Variants in AGPAT4 observed in about 807,000 individuals in gnomAD.
AGPAT4 encodes 1-acyl-sn-glycerol-3-phosphate acyltransferase delta.
A neutral mutation model predicts 48.0 loss-of-function variants in AGPAT4; 15 were observed. The observed-to-expected ratio is 0.31, with a 90% confidence interval of 0.21 to 0.48. AGPAT4 has a LOEUF of 0.48. Ranked by LOEUF, AGPAT4 falls within the 20% of genes least tolerant of loss-of-function variation. The pLI is 0.99. For missense variants in AGPAT4, 314 were observed against 482.5 expected, an observed-to-expected ratio of 0.65 and a Z score of 3.27; for synonymous variants, 178 against 198.7, an observed-to-expected ratio of 0.90 and a Z score of 0.88.
At position 161,177,024 on chromosome 6, in the gene AGPAT4, T is replaced by C. The variant is rs904898699; in HGVS notation, c.179-10607A>G. Among the ~76,000 whole-genome samples the C allele has an allele frequency of 1.3e-5, 2 of 152,262 alleles. No homozygotes were observed. The highest frequency in any genetic ancestry group is 4.8e-5 in the African/African-American group (2 of 41,472). ...GCCGAGAGATCTGCTGTTAGTCTGA[T>C]GGGCTTCCTTTTGTGGGTAAATTGA... On this transcript the variant is annotated intron_variant, in intron 2 of 8. Coordinates refer to ENST00000320285, the MANE Select transcript of AGPAT4 (RefSeq NM_020133.3). The surrounding 1 kb of genome is among the most constrained non-coding windows in gnomAD (Gnocchi z 5.0).
At position 161,227,329 on chromosome 6, in the gene AGPAT4, A is replaced by G. The variant is rs78772838; in HGVS notation, c.178+4707T>C. Among the ~76,000 whole-genome samples the G allele has an allele frequency of 3.1e-3, 469 of 152,350 alleles. 4 individuals carry two copies. Among genetic ancestry groups the G allele is most frequent in the African/African-American group, 0.011 (451 of 41,576 alleles). On this transcript the variant is annotated intron_variant, in intron 2 of 8. Transcript: ENST00000320285. Reference sequence around the variant, plus strand: ...CACCTTGGTCAATAAGCACATGAACAGATTCAAAATTGAGGCACCCTTACC... The same window carrying G: ...CACCTTGGTCAATAAGCACATGAACGGATTCAAAATTGAGGCACCCTTACC...
chr6:161,164,824 C>T lies in AGPAT4; in HGVS notation c.348+1424G>A, dbSNP rs145810193. On this transcript the variant is annotated intron_variant, in intron 3 of 8. Coordinates refer to ENST00000320285, the MANE Select transcript of AGPAT4 (RefSeq NM_020133.3). This position sits in a 1 kb window ranked among gnomAD's most constrained non-coding sequence, Gnocchi z 7.4. The stretch of plus-strand genomic sequence containing the variant: ...CTCTACCTCAGAGACTCCTGGTCCA[C>T]GAATTATGAATGTTTGCACATTCTA... 3.6e-3 allele frequency among the ~76,000 whole-genome samples: 546 copies of T among 152,192 alleles called. 6 individuals carry two copies. The highest frequency in any genetic ancestry group is 0.012 in the African/African-American group (508 of 41,524).
At chr6:161,153,664 G>A (rs1046360721) in intron 4 of AGPAT4, among the ~76,000 whole-genome samples, 165 bp from the exon 5 acceptor site, 4 of 150,240 alleles carry the variant, frequency 2.7e-5, no homozygotes, top group Admixed American at 6.6e-5. Context: ...CAGCCCTGGG[G>A]TCACATACAG....
At chr6:161,191,345 G>A (rs1024105316) in intron 2 of AGPAT4, among the ~76,000 whole-genome samples, 2 of 152,192 alleles carry the variant, frequency 1.3e-5, no homozygotes, top group Non-Finnish European at 2.9e-5. Context: ...AAGAAGTATG[G>A]AAGAGTTAAA....
chr6:161,190,491 T>C (rs745824329), intron 2 of AGPAT4, among the ~76,000 whole-genome samples: 2 of 151,850 alleles, frequency 1.3e-5, no homozygotes, highest in Admixed American at 6.6e-5. Context: ...TACTATTTTA[T>C]AGTTCTGATT....
In AGPAT4 at chr6:161,140,499, T is replaced by C. The variant is rs777399443; in HGVS notation, c.844-879A>G. 4.6e-5 allele frequency among the ~76,000 whole-genome samples: 7 copies of C among 152,198 alleles called. No individual in the cohort carries two copies. Among genetic ancestry groups the C allele is most frequent in the Non-Finnish European group, 1.0e-4 (7 of 68,030 alleles). On this transcript the variant is annotated intron_variant, in intron 7 of 8. Transcript: ENST00000320285. The surrounding 1 kb of genome is among the most constrained non-coding windows in gnomAD (Gnocchi z 6.5). Reference sequence around the variant, plus strand: ...CAGGGGACTCACGGCCCCACATAAATGCACTGCGAAAGAACGCGGTGGCTC... The same window carrying C: ...CAGGGGACTCACGGCCCCACATAAACGCACTGCGAAAGAACGCGGTGGCTC...
rs756465005 is a variant in AGPAT4 at position 161,215,217 on chromosome 6, C to A, written c.178+16819G>T. 6.6e-6 allele frequency among the ~76,000 whole-genome samples: 1 copy of A among 152,220 alleles called. No individual in the cohort carries two copies. Among genetic ancestry groups the A allele is most frequent in the African/African-American group, 2.4e-5 (1 of 41,468 alleles). ...ACCCTATTTAACTTATGATCCTACT[C>A]TTCCATAACTCATACACTGCATGTG... On this transcript the variant is annotated intron_variant, in intron 2 of 8. Coordinates refer to ENST00000320285, the MANE Select transcript of AGPAT4 (RefSeq NM_020133.3). This position sits in a 1 kb window ranked among gnomAD's most constrained non-coding sequence, Gnocchi z 4.5.
intron 2 of AGPAT4, among the ~76,000 whole-genome samples, chr6:161,185,740 C>G (rs1359576903): frequency 1.3e-5 from 2 of 152,128 alleles, no homozygotes; most frequent in Non-Finnish European, 2.9e-5. Context: ...AGGCATCACC[C>G]GAAACCTCTC....
intron 3 of AGPAT4, among the ~76,000 whole-genome samples, chr6:161,157,438 G>A (rs980108731): frequency 4.6e-5 from 7 of 152,172 alleles, no homozygotes; most frequent in African/African-American, 1.7e-4. Context: ...TCAGCCTCCT[G>A]AGTAGCTGGG....
chr6:161,190,630 CAAAGGAG>C (rs1222391190), intron 2 of AGPAT4, among the ~76,000 whole-genome samples: 3 of 148,420 alleles, frequency 2.0e-5, no homozygotes, highest in African/African-American at 7.4e-5. Flanking sequence ...AGATATTGAT[CAAAGGAG>C]TAGAAAGATT....
intron 5 of AGPAT4, among the ~76,000 whole-genome samples, chr6:161,151,637 T>G (rs1779595217): frequency 6.6e-6 from 1 of 152,250 alleles, no homozygotes; most frequent in Non-Finnish European, 1.5e-5. Context: ...CCAGCTTTTC[T>G]CATTTAATCC....
In AGPAT4 at chr6:161,226,793, C is replaced by A. The variant is rs1340189531; in HGVS notation, c.178+5243G>T. 6.6e-6 allele frequency among the ~76,000 whole-genome samples: 1 copy of A among 152,110 alleles called. No homozygotes were observed. Among genetic ancestry groups the A allele is most frequent in the African/African-American group, 2.4e-5 (1 of 41,430 alleles). Reference sequence around the variant, plus strand: ...ACCTTGCCTTCCCTGTGCTGCCGGGCAGGAGGGTCTGCAGGCAGAAGGAGT... The same window carrying A: ...ACCTTGCCTTCCCTGTGCTGCCGGGAAGGAGGGTCTGCAGGCAGAAGGAGT... On this transcript the variant is annotated intron_variant, in intron 2 of 8. Coordinates refer to ENST00000320285, the MANE Select transcript of AGPAT4 (RefSeq NM_020133.3). The surrounding 1 kb of genome is among the most constrained non-coding windows in gnomAD (Gnocchi z 6.3).
chr6:161,168,526 G>A (rs944521712), intron 2 of AGPAT4, among the ~76,000 whole-genome samples: 7 of 151,956 alleles, frequency 4.6e-5, no homozygotes, highest in African/African-American at 1.5e-4. Context: ...TATAGAGCAC[G>A]GGCGCCACGA....
chr6:161,217,312 C>T lies in AGPAT4; in HGVS notation c.178+14724G>A, dbSNP rs1292462681. On this transcript the variant is annotated intron_variant, in intron 2 of 8. Transcript: ENST00000320285. The surrounding 1 kb of genome is among the most constrained non-coding windows in gnomAD (Gnocchi z 4.9). ...CTGGTACATGGTAACAGAAGGTGCT[C>T]AATAGATGTCTACCAAGTTGAATGA... Among the ~76,000 whole-genome samples the T allele has an allele frequency of 1.3e-5, 2 of 152,172 alleles. No individual in the cohort carries two copies. The highest frequency in any genetic ancestry group is 2.9e-5 in the Non-Finnish European group (2 of 68,038).
At position 161,264,394 on chromosome 6, in the gene AGPAT4, C is replaced by T. The variant is rs532380360; in HGVS notation, c.-90+9544G>A. ...CAGCCTCCTGCCCTGTCCCACCTCACCCACTGGCCCACTCCTCTGGTCTCT... is the reference window on the plus strand; with the variant it reads ...CAGCCTCCTGCCCTGTCCCACCTCATCCACTGGCCCACTCCTCTGGTCTCT... On this transcript the variant is annotated intron_variant, in intron 1 of 8. Transcript: ENST00000320285. The surrounding 1 kb of genome is among the most constrained non-coding windows in gnomAD (Gnocchi z 6.8). Among the ~76,000 whole-genome samples the T allele has an allele frequency of 7.9e-5, 12 of 152,276 alleles. No individual in the cohort carries two copies. Among genetic ancestry groups the T allele is most frequent in the Admixed American group, 1.3e-4 (2 of 15,290 alleles).
At chr6:161,160,104 A>ATTTTTTTTTTTTTTTTTTTTTT (rs5881394) in intron 3 of AGPAT4, 2 of 74,008 alleles carry the variant, frequency 2.7e-5, no homozygotes, top group African/African-American at 5.3e-5. Context: ...CACCCAGCTA[A>ATTTTTTTTTTTTTTTTTTTTTT]TTTTTTTTTT....
chr6:161,185,888 G>C (rs1780754057), intron 2 of AGPAT4, among the ~76,000 whole-genome samples: 1 of 152,180 alleles, frequency 6.6e-6, no homozygotes, highest in Non-Finnish European at 1.5e-5. Context: ...ATTTCTGAAA[G>C]AGATGAAGAT....
In AGPAT4 at chr6:161,139,291, G is replaced by T; in HGVS notation, c.1042+131C>A. 9.5e-7 allele frequency: 1 copy of T among 1,051,352 alleles called. No homozygotes were observed. Among genetic ancestry groups the T allele is most frequent in the Non-Finnish European group, 1.4e-6 (1 of 718,008 alleles). 65.1% of individuals were successfully genotyped at this position (1,051,352 alleles called of 1,614,324 possible). A position where few individuals can be genotyped will look rare whatever the true frequency, so the allele number is the denominator to read the frequency against. The stretch of plus-strand genomic sequence containing the variant: ...TCATCCTGAAGTCTAATCTTTCCCT[G>T]TGATTGCAAGCTGAGCCTGCTCCTC... On this transcript the variant is annotated intron_variant, in intron 8 of 8. Coordinates refer to ENST00000320285, the MANE Select transcript of AGPAT4 (RefSeq NM_020133.3). This position sits in a 1 kb window ranked among gnomAD's most constrained non-coding sequence, Gnocchi z 9.1.
At position 161,184,130 on chromosome 6, in the gene AGPAT4, C is replaced by G. The variant is rs1780694806; in HGVS notation, c.179-17713G>C. Among the ~76,000 whole-genome samples the G allele has an allele frequency of 6.6e-6, 1 of 152,048 alleles. No individual in the cohort carries two copies. Among genetic ancestry groups the G allele is most frequent in the Non-Finnish European group, 1.5e-5 (1 of 68,020 alleles). On this transcript the variant is annotated intron_variant, in intron 2 of 8. Coordinates refer to ENST00000320285, the MANE Select transcript of AGPAT4 (RefSeq NM_020133.3). This position sits in a 1 kb window ranked among gnomAD's most constrained non-coding sequence, Gnocchi z 4.8. ...CTGGAACTGGGGACACATTTCAGAG[C>G]ATGACTTTGGCTGCTGTGTGGAGAA...
Sources: gnomAD v4.1 joint callset for allele counts (sites outside exome capture counted in the v4.1 genomes callset) on GRCh38, gnomAD v4.1.1 for gene constraint, Gnocchi (gnomAD v3.1) non-coding constraint, MANE v1.5 for transcripts, NCBI Gene and HGNC (gene_info 2026-07-23, HGNC 2026-07-21) for gene names.